ADAMTSL1: variants seen among roughly 807,000 people sequenced by gnomAD.
ADAMTSL1 encodes ADAMTS like 1.
A neutral mutation model predicts 201.8 loss-of-function variants in ADAMTSL1; 126 were observed. The ratio of observed to expected loss-of-function variants is 0.62; its 90% CI spans 0.54 to 0.72. The LOEUF (loss-of-function observed/expected upper bound fraction) is 0.72, where lower values mean the gene tolerates loss of function less well. ADAMTSL1 is among the 30% of genes least tolerant of loss of function. The pLI, the probability that ADAMTSL1 is intolerant of heterozygous loss-of-function variation, is 0.00. For synonymous variants in ADAMTSL1, 1,121 were observed against 903.4 expected (o/e 1.24, Z -4.32); for missense variants, 2,679 against 2,277.8 (o/e 1.18, Z -3.59).
chr9:17,935,074 T>G (rs748707749), intron 1 of ADAMTSL1, among the ~76,000 whole-genome samples: 22 of 152,250 alleles, frequency 1.4e-4, no homozygotes, highest in Non-Finnish European at 2.8e-4. Context: ...AGTCAAACTT[T>G]CACAGTATTA....
At chr9:18,329,942 T>C (rs548909403) in intron 2 of ADAMTSL1, among the ~76,000 whole-genome samples, 1 of 152,296 alleles carries the variant, frequency 6.6e-6, no homozygotes, top group East Asian at 1.9e-4. Context: ...TATAAACATG[T>C]GTCTTAGTGA....
At chr9:18,292,120 G>A (rs10511641) in intron 2 of ADAMTSL1, among the ~76,000 whole-genome samples, 8,184 of 152,144 alleles carry the variant, frequency 0.054, 284 homozygotes, top group Non-Finnish European at 0.075. Context: ...AACTACCTAA[G>A]TCATGAGCTG....
chr9:18,172,828 CA>C (rs1347581080), intron 2 of ADAMTSL1, among the ~76,000 whole-genome samples: 1 of 151,900 alleles, frequency 6.6e-6, no homozygotes, highest in Non-Finnish European at 1.5e-5. Context: ...ATAAAATATT[CA>C]GGGGGAAGGG....
At chr9:18,742,136 C>A (rs1462784326) in intron 15 of ADAMTSL1, among the ~76,000 whole-genome samples, 1 of 152,180 alleles carries the variant, frequency 6.6e-6, no homozygotes, top group Non-Finnish European at 1.5e-5. Context: ...CTAGTGACCT[C>A]ATTTTAACTT....
intron 2 of ADAMTSL1, among the ~76,000 whole-genome samples, chr9:18,422,201 G>A (rs1196100788): frequency 6.6e-6 from 1 of 151,918 alleles, no homozygotes; most frequent in Non-Finnish European, 1.5e-5. Flanking sequence ...ACACACACAA[G>A]CCACCTTAAA....
At chr9:18,486,005 T>C (rs1821972353) in intron 1 of ADAMTSL1, among the ~76,000 whole-genome samples, 1 of 152,214 alleles carries the variant, frequency 6.6e-6, no homozygotes, top group Non-Finnish European at 1.5e-5. Context: ...CAAAAACCTC[T>C]TGTGGGCTCC....
intron 4 of ADAMTSL1, among the ~76,000 whole-genome samples, chr9:18,598,526 T>C (rs565542744): frequency 6.6e-6 from 1 of 152,222 alleles, no homozygotes; most frequent in Non-Finnish European, 1.5e-5. Flanking sequence ...CATTACTAAG[T>C]GCACTTCAGT....
intron 4 of ADAMTSL1, among the ~76,000 whole-genome samples, chr9:18,607,134 G>A (rs1190496058): frequency 1.3e-5 from 2 of 152,192 alleles, no homozygotes; most frequent in African/African-American, 2.4e-5. Context: ...ATGCCTAAAT[G>A]TTGTGGGGAG....
intron 2 of ADAMTSL1, among the ~76,000 whole-genome samples, chr9:18,452,791 G>C (rs995621130): frequency 2.0e-5 from 3 of 152,244 alleles, no homozygotes; most frequent in African/African-American, 7.2e-5. Context: ...GGGAACATTA[G>C]GGTAGAGGTT....
At chr9:17,982,006 C>G (rs2131467156) in intron 1 of ADAMTSL1, among the ~76,000 whole-genome samples, 1 of 152,290 alleles carries the variant, frequency 6.6e-6, no homozygotes, top group Non-Finnish European at 1.5e-5. Flanking sequence ...GCAAAAATGG[C>G]TTTCCACTCA....
intron 1 of ADAMTSL1, among the ~76,000 whole-genome samples, chr9:17,924,549 G>A (rs1371699686): frequency 1.4e-4 from 21 of 150,652 alleles, no homozygotes; most frequent in East Asian, 9.8e-4. Flanking sequence ...AAATAACGCC[G>A]CATACCTACA....
intron 2 of ADAMTSL1, among the ~76,000 whole-genome samples, chr9:18,199,145 A>G (rs1829320445): frequency 6.6e-6 from 1 of 151,458 alleles, no homozygotes; most frequent in African/African-American, 2.4e-5. Flanking sequence ...GCATTGGAAG[A>G]TATACCTAAT....
At chr9:18,226,319 C>G (rs376292031) in intron 2 of ADAMTSL1, among the ~76,000 whole-genome samples, 2 of 152,152 alleles carry the variant, frequency 1.3e-5, no homozygotes. Flanking sequence ...GCCTCTCTCT[C>G]TTGGTCTTGA....
chr9:18,022,016 C>T (rs377183900), intron 1 of ADAMTSL1, among the ~76,000 whole-genome samples: 2 of 151,914 alleles, frequency 1.3e-5, no homozygotes, highest in East Asian at 1.9e-4. Flanking sequence ...AGGAGGGTGG[C>T]GGTTAAAGAA....
At chr9:18,454,181 C>T (rs1205766881) in intron 2 of ADAMTSL1, among the ~76,000 whole-genome samples, 1 of 152,158 alleles carries the variant, frequency 6.6e-6, no homozygotes, top group Non-Finnish European at 1.5e-5. Context: ...GAATAAATAT[C>T]AGTACAAGGC....
chr9:18,080,125 A>C (rs1162099900), intron 1 of ADAMTSL1, among the ~76,000 whole-genome samples: 1 of 152,222 alleles, frequency 6.6e-6, no homozygotes, highest in African/African-American at 2.4e-5. Context: ...GTGAGAAGCC[A>C]AAGTGATGGA....
intron 3 of ADAMTSL1, among the ~76,000 whole-genome samples, chr9:18,567,298 C>A (rs1821972616): frequency 6.6e-6 from 1 of 152,024 alleles, no homozygotes; most frequent in South Asian, 2.1e-4. Flanking sequence ...AACCCTGTCT[C>A]TACTAAAAAT....
chr9:18,587,501 C>A (rs1823586557), intron 4 of ADAMTSL1, among the ~76,000 whole-genome samples: 1 of 148,118 alleles, frequency 6.8e-6, no homozygotes, highest in Non-Finnish European at 1.5e-5. Context: ...CATTACAATT[C>A]TTCTTTTCTA....
chr9:18,475,166 T>G (rs546620887), intron 1 of ADAMTSL1, among the ~76,000 whole-genome samples: 4 of 152,324 alleles, frequency 2.6e-5, no homozygotes, highest in African/African-American at 7.2e-5. Context: ...TTCCAAAATT[T>G]GCACACACTG....
Sources: allele counts gnomAD v4.1 joint callset (sites outside exome capture counted in the v4.1 genomes callset), GRCh38; gene constraint gnomAD v4.1.1; transcripts MANE v1.5; gene names NCBI Gene and HGNC (gene_info 2026-07-23, HGNC 2026-07-21).